SPATA22: variants seen among roughly 807,000 people sequenced by gnomAD.
SPATA22 encodes the protein spermatogenesis-associated protein 22.
A neutral mutation model predicts 47.8 loss-of-function variants in SPATA22; 29 were observed. The observed-to-expected ratio is 0.61, with a 90% CI of 0.45 to 0.83. SPATA22 has a LOEUF of 0.83. Ranked by LOEUF, SPATA22 falls within the 40% of genes least tolerant of loss-of-function variation. SPATA22 has a pLI of 0.00. For synonymous variants in SPATA22, 133 were observed against 140.9 expected, an observed-to-expected ratio of 0.94 and a Z score of 0.40; for missense variants, 410 against 421.7, an observed-to-expected ratio of 0.97 and a Z score of 0.24.
intron 1 of SPATA22, among the ~76,000 whole-genome samples, chr17:3,498,679 A>C (rs1045328864): frequency 1.3e-5 from 2 of 152,202 alleles, no homozygotes; most frequent in African/African-American, 4.8e-5. Context: ...TTTCAATTAT[A>C]CAAATGCAAA....
chr17:3,510,899 A>T (rs2150773318), intron 1 of SPATA22: 1 of 152,406 alleles, frequency 6.6e-6, no homozygotes, highest in African/African-American at 2.4e-5. Context: ...ACTTCACAGT[A>T]CAACCTCCAG....
chr17:3,507,608 C>T (rs11649929), intron 1 of SPATA22, among the ~76,000 whole-genome samples: 27,143 of 152,166 alleles, frequency 0.18, 3,189 homozygotes, highest in Non-Finnish European at 0.27. Context: ...TTCAGAGAAC[C>T]TGGATCCTCC....
chr17:3,470,757 A>G (rs1487964785), intron 1 of SPATA22, among the ~76,000 whole-genome samples: 2 of 127,122 alleles, frequency 1.6e-5, no homozygotes, highest in Admixed American at 7.3e-5. Flanking sequence ...TCTCAAAAAA[A>G]AAAGAAAAAA....
intron 1 of SPATA22, among the ~76,000 whole-genome samples, chr17:3,477,140 G>A (rs543538511): frequency 1.3e-3 from 192 of 152,112 alleles, no homozygotes; most frequent in African/African-American, 4.2e-3. Context: ...GGGAGACAGA[G>A]CAAGACTCCG....
rs560151763 is a variant in SPATA22 at position 3,477,150 on chromosome 17, G to A, written c.-73-7752C>T. The stretch of plus-strand genomic sequence containing the variant: ...AGCCTGGGAGACAGAGCAAGACTCC[G>A]TCTCAAAAAAATAAATAAATAAATA... On this transcript the variant is annotated intron_variant, in intron 1 of 8. Coordinates refer to the SPATA22 transcript ENST00000541913. Among the ~76,000 whole-genome samples, 30 of 151,948 alleles carry A rather than the reference G, an allele frequency of 2.0e-4. No homozygotes were observed. The South Asian group carries it at 4.6e-3, about 23-fold the overall frequency.
At position 3,471,437 on chromosome 17, in the gene SPATA22, T is replaced by A. The variant is rs116582520; in HGVS notation, c.-74+245A>T. ...GGCGGGGACCCTCATTTACCCCCAA[T>A]CCCAGCTCCCAAATGGACCTAAGTG... is the stretch of plus-strand genomic sequence containing the variant. On this transcript the variant is annotated intron_variant, in intron 1 of 8. Coordinates refer to ENST00000572969, the MANE Select transcript of SPATA22 (RefSeq NM_001170698.2). 625 of 985,388 alleles carry A rather than the reference T, an allele frequency of 6.3e-4. 2 individuals carry two copies. In the African/African-American group the frequency reaches 0.01, roughly 16 times the overall value. 61.0% of individuals were successfully genotyped at this position (985,388 alleles called of 1,614,324 possible).
At chr17:3,487,074 G>A (rs1055029517) in intron 1 of SPATA22, among the ~76,000 whole-genome samples, 14 of 80,352 alleles carry the variant, frequency 1.7e-4, no homozygotes, top group South Asian at 1.2e-3. Context: ...GTGTGTGTGC[G>A]TGTGTGTGTG....
At chr17:3,481,485 C>G in intron 1 of SPATA22, 1 of 932,802 alleles carries the variant, frequency 1.1e-6, no homozygotes, top group Non-Finnish European at 1.6e-6. Context: ...TTACTTACCA[C>G]ACAGATTTTT....
chr17:3,494,678 C>T (rs187041927), intron 1 of SPATA22, among the ~76,000 whole-genome samples: 4 of 152,228 alleles, frequency 2.6e-5, no homozygotes, highest in Admixed American at 1.3e-4. Context: ...ATGGCCTGCA[C>T]GCTCAATGGA....
At chr17:3,496,928 T>C (rs895318407) in intron 1 of SPATA22, among the ~76,000 whole-genome samples, 6 of 152,008 alleles carry the variant, frequency 3.9e-5, no homozygotes, top group African/African-American at 1.4e-4. Flanking sequence ...TAGCCGGGCA[T>C]GGTGGCAGGC....
At chr17:3,466,210 CAG>C (rs1412876554) in intron 3 of SPATA22, among the ~76,000 whole-genome samples, 2 of 149,780 alleles carry the variant, frequency 1.3e-5, no homozygotes, top group Non-Finnish European at 3.0e-5. Flanking sequence ...ATTGCTACAT[CAG>C]AGATATTTTT....
chr17:3,476,559 T>A (rs999007460), upstream of SPATA22, among the ~76,000 whole-genome samples: 5 of 152,228 alleles, frequency 3.3e-5, no homozygotes, highest in African/African-American at 9.7e-5. Context: ...GCATTGTGAA[T>A]TGCACAATTA....
chr17:3,455,421 G>T (rs1253745794), intron 5 of SPATA22, among the ~76,000 whole-genome samples: 1 of 149,894 alleles, frequency 6.7e-6, no homozygotes, highest in Non-Finnish European at 1.5e-5. Flanking sequence ...GGGTTTTTAT[G>T]GTTTTAGGTC....
intron 1 of SPATA22, among the ~76,000 whole-genome samples, chr17:3,507,900 T>C (rs971838247): frequency 2.0e-5 from 3 of 151,956 alleles, no homozygotes; most frequent in Non-Finnish European, 4.4e-5. Context: ...ATGACAAGGG[T>C]TTCCACCCTT....
At chr17:3,471,526 A>ACACACACCACC in intron 1 of SPATA22, 156 bp downstream of exon 1, 1 of 985,324 alleles carries the variant, frequency 1.0e-6, no homozygotes. Flanking sequence ...ACGCACACAC[A>ACACACACCACC]CACACACCAC....
chr17:3,476,499 G>A (rs759544609), upstream of SPATA22: 111 of 1,045,812 alleles, frequency 1.1e-4, 1 homozygote, highest in East Asian at 3.9e-4. Flanking sequence ...ATTCATGTCC[G>A]TACATGCAGT....
At chr17:3,466,680 G>C (rs1301298266) in intron 3 of SPATA22, among the ~76,000 whole-genome samples, 1 of 152,186 alleles carries the variant, frequency 6.6e-6, no homozygotes, top group Non-Finnish European at 1.5e-5. Context: ...TTTAGAACGG[G>C]TTATTTACAA....
chr17:3,462,399 G>A (rs1200399177), intron 5 of SPATA22, 84 bp downstream of exon 5: 10 of 896,658 alleles, frequency 1.1e-5, no homozygotes, highest in African/African-American at 1.7e-5. Context: ...GAGAAACAAC[G>A]AAGTGAAGGA....
intron 1 of SPATA22, chr17:3,499,204 C>T (rs1163946685): frequency 1.0e-5 from 11 of 1,076,242 alleles, no homozygotes; most frequent in African/African-American, 1.6e-5. Flanking sequence ...AGCACAGTGC[C>T]TTATTCGGTA....
Sources: gnomAD v4.1 joint callset for allele counts (sites outside exome capture counted in the v4.1 genomes callset) on GRCh38, gnomAD v4.1.1 for gene constraint, MANE v1.5 for transcripts, NCBI Gene and HGNC (gene_info 2026-07-23, HGNC 2026-07-21) for gene names.